The following ZNF526 variants were observed in gnomAD, a reference collection of about 807,000 sequenced individuals.
ZNF526 encodes the protein zinc finger protein 526.
In ZNF526, 16 loss-of-function variants were observed where a neutral mutation model predicts 32.4. The observed-to-expected ratio is 0.49, with a 90% CI of 0.33 to 0.75. ZNF526 has a LOEUF of 0.75. Ranked by LOEUF, ZNF526 falls within the 30% of genes least tolerant of loss-of-function variation. ZNF526 has a pLI of 0.02. For missense variants in ZNF526, 838 were observed against 920.7 expected (o/e 0.91, Z 1.16); for synonymous variants, 355 against 363.4 (o/e 0.98, Z 0.26).
chr19:42,221,124 C>G (rs900290384), intron 1 of ZNF526, among the ~76,000 whole-genome samples: 13 of 152,188 alleles, frequency 8.5e-5, no homozygotes, highest in African/African-American at 3.1e-4. Context: ...GGGCCCTGTA[C>G]TGGGCTGTGT....
intron 1 of ZNF526, among the ~76,000 whole-genome samples, chr19:42,223,811 ATC>A (rs1201884386): frequency 3.7e-4 from 44 of 118,180 alleles, no homozygotes; most frequent in African/African-American, 1.3e-3. Context: ...GCAAGAGTCC[ATC>A]TCAAAAAAAA....
rs759811063 is a variant in ZNF526, at chr19:42,226,414, TGA to T, written c.2012_2013del (p.Ter671SerfsTer27). 6.2e-7 allele frequency: 1 copy of T among 1,614,202 alleles called. No homozygotes were observed. The highest frequency in any genetic ancestry group is 8.5e-7 in the Non-Finnish European group (1 of 1,180,036). ...CTTGCAGTTGGACACGGCCTTCGTG[TGA>T]CGCAGCTGAAAAGCAACAACAAAAG... ...GLLQLDTAFV[*>X] On this transcript the variant is annotated frameshift_variant and stop_lost, in exon 3 of 3. Transcript: ENST00000301215. LOFTEE classifies it high-confidence loss of function.
intron 1 of ZNF526, among the ~76,000 whole-genome samples, chr19:42,221,236 C>G (rs1427191435): frequency 3.3e-5 from 5 of 152,176 alleles, no homozygotes; most frequent in Admixed American, 6.6e-5. Flanking sequence ...GCTTACACCT[C>G]TAATTCCAGC....
At chr19:42,221,426 A>G (rs2036121924) in intron 1 of ZNF526, among the ~76,000 whole-genome samples, 1 of 152,086 alleles carries the variant, frequency 6.6e-6, no homozygotes, top group African/African-American at 2.4e-5. Flanking sequence ...TGAGGTCAGG[A>G]GTTGAAGACC....
In ZNF526 at chr19:42,224,778, C is replaced by T; in HGVS notation, c.375C>T (p.Ala125=). 2.5e-5 allele frequency: 41 copies of T among 1,614,016 alleles called. No homozygotes were observed. Among genetic ancestry groups the T allele is most frequent in the Non-Finnish European group, 3.5e-5 (41 of 1,180,032 alleles). ...QLILSPGELL[A]HQDAHLRESA... ...TCCTCTCCCCTGGGGAGCTCCTGGCCCACCAGGATGCCCACCTCCGAGAGT... is the reference window on the plus strand; with the variant it reads ...TCCTCTCCCCTGGGGAGCTCCTGGCTCACCAGGATGCCCACCTCCGAGAGT... Residue 125 remains alanine, a synonymous_variant, in exon 3 of 3, where the codon GCC becomes GCT. Transcript: ENST00000301215.
In ZNF526 at chr19:42,226,567, C is replaced by G; in HGVS notation, c.*151C>G. 2.0e-6 allele frequency: 2 copies of G among 982,346 alleles called. No individual in the cohort carries two copies. Among genetic ancestry groups the G allele is most frequent in the Admixed American group, 4.0e-5 (2 of 50,346 alleles). The allele number at this position is 982,346 out of a possible 1,614,324, so 60.9% of individuals were successfully genotyped here. ...CTTTTTACCCACTGACTCCCCAGAA[C>G]AACCCTTCCAGGCTTCTCTTGTCAT... On this transcript the variant is annotated 3_prime_UTR_variant, in exon 3 of 3. Transcript: ENST00000301215.
At chr19:42,223,165 A>G (rs1168779086) in intron 1 of ZNF526, among the ~76,000 whole-genome samples, 1 of 152,226 alleles carries the variant, frequency 6.6e-6, no homozygotes, top group Non-Finnish European at 1.5e-5. Flanking sequence ...ACGCAGGCAA[A>G]GGCTATGGTA....
chr19:42,224,850 C>A lies in ZNF526; in HGVS notation c.447C>A (p.Phe149Leu), dbSNP rs369291661. Reference protein sequence around the residue: ...QYQCWDCQELFPSPELWVAHR... With the variant: ...QYQCWDCQELLPSPELWVAHR... ...AGTGCTGGGACTGCCAGGAGCTGTT[C>A]CCCTCGCCCGAGCTGTGGGTGGCTC... The change falls in exon 3 of 3, where the codon TTC becomes TTA. Residue 149 changes from phenylalanine (F) to leucine (L), a missense_variant. Phe to Leu is a conservative substitution (Grantham distance 22). Coordinates refer to ENST00000301215, the MANE Select transcript of ZNF526 (RefSeq NM_133444.3). 7 of 1,613,908 alleles carry A rather than the reference C, an allele frequency of 4.3e-6. No individual in the cohort carries two copies. The highest frequency in any genetic ancestry group is 5.9e-6 in the Non-Finnish European group (7 of 1,180,010).
chr19:42,225,155 AGGAGGCCATGGCAGAGGTC>A lies in ZNF526; in HGVS notation c.755_773del (p.Glu252ValfsTer106). On this transcript the variant is annotated frameshift_variant, in exon 3 of 3. Coordinates refer to ENST00000301215, the MANE Select transcript of ZNF526 (RefSeq NM_133444.3). LOFTEE classifies it high-confidence loss of function. ...GAAGATGATGAAGAGATGGAGGATG[AGGAGGCCATGGCAGAGGTC>A]GGTGATGATGCTGTGGGAGGTGACG... 6.3e-7 allele frequency: 1 copy of A among 1,599,176 alleles called. No homozygotes were observed. Among genetic ancestry groups the A allele is most frequent in the Non-Finnish European group, 8.5e-7 (1 of 1,179,478 alleles).
chr19:42,225,161 C>T lies in ZNF526; in HGVS notation c.758C>T (p.Ala253Val). ...GATGAAGAGATGGAGGATGAGGAGG[C>T]CATGGCAGAGGTCGGTGATGATGCT... ...EDDEEMEDEE[A>V]MAEVGDDAVG... Residue 253 changes from alanine (A) to valine (V), a missense_variant, in exon 3 of 3, where the codon GCC (alanine) becomes GTC (valine). Coordinates refer to ENST00000301215, the MANE Select transcript of ZNF526 (RefSeq NM_133444.3). The T allele has an allele frequency of 6.2e-7, 1 of 1,614,040 alleles. No homozygotes were observed. The highest frequency in any genetic ancestry group is 2.2e-5 in the East Asian group (1 of 44,876).
chr19:42,223,150 G>C (rs2036138613), intron 1 of ZNF526, among the ~76,000 whole-genome samples: 1 of 152,224 alleles, frequency 6.6e-6, no homozygotes, highest in African/African-American at 2.4e-5. Context: ...CAAAGAGAAA[G>C]CTGCACGCAG....
rs2036151946 is a variant in ZNF526 at position 42,224,415 on chromosome 19, G to A, written c.12G>A (p.Val4=). 3 of 1,614,014 alleles carry A rather than the reference G, an allele frequency of 1.9e-6. No homozygotes were observed. Among genetic ancestry groups the A allele is most frequent in the Non-Finnish European group, 1.7e-6 (2 of 1,180,046 alleles). Residue 4 remains valine, a synonymous_variant, in exon 3 of 3, where the codon GTG becomes GTA. Transcript: ENST00000301215. ...CTGCCTTCCCCACAATGGCAGAGGT[G>A]GTGGCTGAGGTGGCCGAGATGCCAA... MAE[V]VAEVAEMPTQ... is the part of the protein sequence containing the mutation.
chr19:42,220,733 C>G lies in ZNF526; in HGVS notation c.-109+346C>G, dbSNP rs774190114. On this transcript the variant is annotated intron_variant, in intron 1 of 2. Transcript: ENST00000301215. Reference sequence around the variant, plus strand: ...TACTGATATACTGTGTGAAAAACCCCCATTCTTTCCCTAAGTAGTTCACAA... The same window carrying G: ...TACTGATATACTGTGTGAAAAACCCGCATTCTTTCCCTAAGTAGTTCACAA... 5 of 152,292 alleles carry G rather than the reference C, an allele frequency of 3.3e-5. 1 individual carries two copies. The highest frequency in any genetic ancestry group is 3.4e-3 in the Middle Eastern group (1 of 294). The allele number at this position is 152,292 out of a possible 1,614,324, so 9.4% of individuals were successfully genotyped here. A position where few individuals can be genotyped will look rare whatever the true frequency, so the allele number is the denominator to read the frequency against.
intron 2 of ZNF526, 40 bp from the exon 3 acceptor site, chr19:42,224,346 GT>G: frequency 6.6e-7 from 1 of 1,509,194 alleles, no homozygotes; most frequent in Non-Finnish European, 9.2e-7. Flanking sequence ...CCTCCCCTTG[GT>G]TTCCTGCTGT....
intron 2 of ZNF526, 24 bp from the exon 3 acceptor site, chr19:42,224,363 T>C: frequency 6.3e-7 from 1 of 1,590,244 alleles, no homozygotes; most frequent in South Asian, 1.1e-5. Context: ...GCTGTCTCAC[T>C]GGCTCCTGCC....
Position 42,224,467 on chromosome 19 carries a change from A to T in ZNF526, c.64A>T (p.Met22Leu). Reference protein sequence around the residue: ...PTQMSPGAVEMSTPMSAEMME... With the variant: ...PTQMSPGAVELSTPMSAEMME... ...ACAGATGTCACCAGGGGCAGTGGAG[A>T]TGTCAACACCTATGTCGGCAGAGAT... is the stretch of plus-strand genomic sequence containing the variant. Residue 22 changes from methionine (M) to leucine (L), a missense_variant, in exon 3 of 3, where the codon ATG (methionine) becomes TTG (leucine). Transcript: ENST00000301215. 1.2e-6 allele frequency: 2 copies of T among 1,614,118 alleles called. No individual in the cohort carries two copies. The highest frequency in any genetic ancestry group is 1.1e-5 in the South Asian group (1 of 91,076).
At chr19:42,223,815 CAAAAAAAAAAAAA>C (rs962041845) in intron 1 of ZNF526, among the ~76,000 whole-genome samples, 4 of 32,926 alleles carry the variant, frequency 1.2e-4, no homozygotes, top group Non-Finnish European at 2.3e-4. Flanking sequence ...GAGTCCATCT[CAAAAAAAAAAAAA>C]AAAAAAAAAA....
rs969088386 is a variant in ZNF526 at position 42,224,572 on chromosome 19, T to G, written c.169T>G (p.Phe57Val). The G allele has an allele frequency of 1.2e-6, 2 of 1,614,218 alleles. No homozygotes were observed. The highest frequency in any genetic ancestry group is 1.7e-6 in the Non-Finnish European group (2 of 1,180,032). Reference sequence around the variant, plus strand: ...ATCCCTCTTCTTCCAGCATCACCAGTTCATGTGCTCTGAGTGTGGCAGCCT... The same window carrying G: ...ATCCCTCTTCTTCCAGCATCACCAGGTCATGTGCTCTGAGTGTGGCAGCCT... The part of the protein sequence containing the change: ...ASSLFFQHHQ[F>V]MCSECGSLYN... The change falls in exon 3 of 3, where the codon TTC becomes GTC. Residue 57 changes from phenylalanine to valine, a missense_variant. Phe to Val is a conservative substitution (Grantham distance 50). Coordinates refer to ENST00000301215, the MANE Select transcript of ZNF526 (RefSeq NM_133444.3).
chr19:42,221,538 C>T (rs1379156004), intron 1 of ZNF526, among the ~76,000 whole-genome samples: 2 of 152,050 alleles, frequency 1.3e-5, no homozygotes, highest in African/African-American at 2.4e-5. Context: ...GTGACCGAGG[C>T]GGGAGAATCG....
Sources: allele counts gnomAD v4.1 joint callset (sites outside exome capture counted in the v4.1 genomes callset), GRCh38; gene constraint gnomAD v4.1.1; transcripts MANE v1.5; gene names NCBI Gene and HGNC (gene_info 2026-07-23, HGNC 2026-07-21).